Variants in CES5A observed in about 807,000 individuals in gnomAD.
The protein encoded by CES5A is carboxylesterase 5A.
CES5A carries 67 observed loss-of-function variants against 62.9 expected under a neutral mutation model. The ratio of observed to expected loss-of-function variants is 1.07; its 90% CI spans 0.88 to 1.31. The LOEUF is 1.31. Among genes scored for constraint, CES5A ranks in the 50% most tolerant of loss-of-function variants. The probability of loss-of-function intolerance (pLI) is 0.00; values close to 1 mark genes in which losing one functional copy is unlikely to be tolerated. For synonymous variants in CES5A, 296 were observed against 280.8 expected (o/e 1.05, Z -0.54); for missense variants, 748 against 708.5 (o/e 1.06, Z -0.63).
intron 1 of CES5A, among the ~76,000 whole-genome samples, chr16:55,900,474 C>A (rs566441439): frequency 6.6e-6 from 1 of 152,116 alleles, no homozygotes; most frequent in Non-Finnish European, 1.5e-5. Context: ...GGATAAGGAG[C>A]CTTTCACTCT....
chr16:55,919,731 G>A (rs1403198315), intron 1 of CES5A, among the ~76,000 whole-genome samples: 1 of 152,152 alleles, frequency 6.6e-6, no homozygotes, highest in East Asian at 1.9e-4. Context: ...CCCATCTGTT[G>A]TCTCATTTTA....
intron 2 of CES5A, among the ~76,000 whole-genome samples, chr16:55,872,121 G>T (rs1048052135): frequency 6.6e-6 from 1 of 152,116 alleles, no homozygotes; most frequent in African/African-American, 2.4e-5. Context: ...TAGAGGGCAG[G>T]ACATAGTCGA....
intron 1 of CES5A, among the ~76,000 whole-genome samples, chr16:55,903,818 TCAAAG>T (rs2034013846): frequency 1.3e-5 from 2 of 152,142 alleles, no homozygotes; most frequent in African/African-American, 4.8e-5. Flanking sequence ...CTTAAAGCCA[TCAAAG>T]AAATTGTCTA....
At chr16:55,926,090 T>A (rs1392981620), upstream of CES5A, among the ~76,000 whole-genome samples, 1 of 152,160 alleles carries the variant, frequency 6.6e-6, no homozygotes, top group South Asian at 2.1e-4. Context: ...TAACATTCTA[T>A]CATACATTTT....
intron 1 of CES5A, among the ~76,000 whole-genome samples, chr16:55,922,766 C>A (rs2034220953): frequency 6.6e-6 from 1 of 151,846 alleles, no homozygotes; most frequent in Non-Finnish European, 1.5e-5. Context: ...ATAGAATATT[C>A]TCCAGAATAG....
intron 2 of CES5A, among the ~76,000 whole-genome samples, chr16:55,946,498 C>T (rs1381022991): frequency 6.6e-6 from 1 of 152,210 alleles, no homozygotes; most frequent in Non-Finnish European, 1.5e-5. Context: ...ATTGGCTGCC[C>T]ATTTTTCCTC....
chr16:55,878,395 C>T (rs1751294750), upstream of CES5A, among the ~76,000 whole-genome samples: 1 of 151,958 alleles, frequency 6.6e-6, no homozygotes, highest in Non-Finnish European at 1.5e-5. Flanking sequence ...CCCCACAGAC[C>T]ACACATGGAC....
chr16:55,907,901 G>T (rs935967996), intron 1 of CES5A, among the ~76,000 whole-genome samples: 3 of 152,170 alleles, frequency 2.0e-5, no homozygotes, highest in Non-Finnish European at 2.9e-5. Flanking sequence ...TGCATGGCAG[G>T]TCTGCTCCAC....
intron 1 of CES5A, among the ~76,000 whole-genome samples, chr16:55,874,618 G>A (rs762761927): frequency 1.1e-4 from 17 of 152,092 alleles, no homozygotes; most frequent in African/African-American, 3.6e-4. Flanking sequence ...ATATTCATGG[G>A]TGAAAATTTA....
chr16:55,931,492 C>T (rs1222808476), intron 2 of CES5A, among the ~76,000 whole-genome samples: 1 of 152,216 alleles, frequency 6.6e-6, no homozygotes, highest in Admixed American at 6.5e-5. Flanking sequence ...CTTAGATGAT[C>T]TGGCCCTTGC....
chr16:55,923,683 G>A (rs774617890), intron 1 of CES5A, among the ~76,000 whole-genome samples: 7 of 151,666 alleles, frequency 4.6e-5, no homozygotes, highest in Non-Finnish European at 1.0e-4. Context: ...GCATTATCCA[G>A]ATATGAAAAT....
chr16:55,891,722 T>C (rs1191435669), intron 1 of CES5A, among the ~76,000 whole-genome samples: 1 of 152,206 alleles, frequency 6.6e-6, no homozygotes, highest in Non-Finnish European at 1.5e-5. Context: ...AGTTCCCAGC[T>C]TGAATTTCTC....
At chr16:55,853,654 G>A (rs1253640365) in intron 9 of CES5A, among the ~76,000 whole-genome samples, 1 of 152,162 alleles carries the variant, frequency 6.6e-6, no homozygotes, top group Non-Finnish European at 1.5e-5. Flanking sequence ...GCTTGCCCCA[G>A]AGCAGTTCTT....
upstream of CES5A, among the ~76,000 whole-genome samples, chr16:55,879,008 AC>A (rs1425071123): frequency 8.3e-6 from 1 of 121,182 alleles, no homozygotes; most frequent in Non-Finnish European, 1.7e-5. Context: ...CCACCACTTC[AC>A]CCCATCACTG....
chr16:55,924,170 A>G (rs1180142303), intron 1 of CES5A, among the ~76,000 whole-genome samples: 1 of 151,854 alleles, frequency 6.6e-6, no homozygotes, highest in Admixed American at 6.6e-5. Context: ...GGAAAACCTA[A>G]AGAATACACA....
chr16:55,927,329 C>A (rs1184344497), upstream of CES5A, among the ~76,000 whole-genome samples: 1 of 152,072 alleles, frequency 6.6e-6, no homozygotes, highest in East Asian at 1.9e-4. Flanking sequence ...AAATAGACAA[C>A]CTACAGAATT....
upstream of CES5A, among the ~76,000 whole-genome samples, chr16:55,880,315 T>C (rs1459280541): frequency 3.9e-5 from 6 of 152,162 alleles, no homozygotes; most frequent in Admixed American, 3.9e-4. Context: ...ACAGGACAGA[T>C]GGAGTCCCCC....
chr16:55,944,229 C>A, intron 2 of CES5A: 1 of 633,888 alleles, frequency 1.6e-6, no homozygotes, highest in Non-Finnish European at 2.9e-6. Flanking sequence ...GAACAAGACC[C>A]CTCTCCTCCA....
chr16:55,874,837 G>A lies in CES5A; in HGVS notation c.73+312C>T, dbSNP rs185557432. Among the ~76,000 whole-genome samples the A allele has an allele frequency of 1.2e-4, 19 of 152,210 alleles. No individual in the cohort carries two copies. In the East Asian group the frequency reaches 2.9e-3, roughly 23 times the overall value. On this transcript the variant is annotated intron_variant, in intron 1 of 12. Coordinates refer to ENST00000290567, the MANE Select transcript of CES5A (RefSeq NM_001143685.2). ...TTTCATTACTGAAAGTCCTGTCGCC[G>A]CAGCCAGGAGTGCAGAAGCACAGGC...
Sources: allele counts gnomAD v4.1 joint callset (sites outside exome capture counted in the v4.1 genomes callset), GRCh38; gene constraint gnomAD v4.1.1; transcripts MANE v1.5; gene names NCBI Gene and HGNC (gene_info 2026-07-23, HGNC 2026-07-21).